The following GEMIN8 variants were observed in gnomAD, a reference collection of about 807,000 sequenced individuals.
GEMIN8 encodes gem nuclear organelle associated protein 8.
For synonymous variants in GEMIN8, 80 were observed against 78.5 expected, an observed-to-expected ratio of 1.02 and a Z score of -0.10; for missense variants, 185 against 205.9, an observed-to-expected ratio of 0.90 and a Z score of 0.62.
At chrX:13,995,163 C>T in the GEMIN8 span, among the ~76,000 whole-genome samples, 1 of 111,957 alleles carries the variant, frequency 8.9e-6, no homozygotes, top group African/African-American at 3.2e-5. Context: ...ACATTACCCC[C>T]AATCTCCCAA....
the GEMIN8 span, among the ~76,000 whole-genome samples, chrX:13,985,584 T>C: frequency 1.8e-5 from 2 of 112,261 alleles, no homozygotes; most frequent in African/African-American, 6.5e-5. Context: ...GGATGTATTG[T>C]GGCTATATTT....
chrX:13,996,161 T>G, the GEMIN8 span, among the ~76,000 whole-genome samples: 26 of 111,950 alleles, frequency 2.3e-4, no homozygotes, highest in African/African-American at 7.8e-4. Context: ...ACCTACTATT[T>G]TTAAGGATTT....
intron 4 of GEMIN8, among the ~76,000 whole-genome samples, chrX:14,011,516 C>CT (rs575651297): frequency 0.019 from 1,160 of 60,336 alleles, 121 homozygotes; most frequent in East Asian, 0.028. Flanking sequence ...CTATGGCTCT[C>CT]TTTTTTTTTT....
downstream of GEMIN8, among the ~76,000 whole-genome samples, chrX:14,005,637 AC>A (rs1923121550): frequency 8.9e-6 from 1 of 111,920 alleles, no homozygotes; most frequent in East Asian, 2.8e-4. Context: ...GGTCGTGGGA[AC>A]CCTAATTGAT....
intron 2 of GEMIN8, among the ~76,000 whole-genome samples, chrX:14,022,745 AG>A (rs1924454033): frequency 8.9e-6 from 1 of 112,293 alleles, no homozygotes; most frequent in Non-Finnish European, 1.9e-5. Flanking sequence ...ACAACTACTT[AG>A]GTTTTGAAAC....
At chrX:13,988,237 G>A in the GEMIN8 span, among the ~76,000 whole-genome samples, 3 of 111,447 alleles carry the variant, frequency 2.7e-5, no homozygotes, top group South Asian at 3.9e-4. Flanking sequence ...GCATACTTGC[G>A]CACGTACAAC....
chrX:14,010,006 G>A, intron 4 of GEMIN8, among the ~76,000 whole-genome samples: 1 of 112,056 alleles, frequency 8.9e-6, no homozygotes, highest in Non-Finnish European at 1.9e-5. Context: ...AGGAAGAAGG[G>A]TGAGGAAAGG....
At chrX:14,013,927 C>T in intron 4 of GEMIN8, 1 of 721,239 alleles carries the variant, frequency 1.4e-6, no homozygotes. Flanking sequence ...TTACTGGATT[C>T]CATCTGGGTT....
chrX:14,029,069 T>C (rs1292851443), intron 1 of GEMIN8, among the ~76,000 whole-genome samples: 1 of 111,904 alleles, frequency 8.9e-6, no homozygotes, highest in East Asian at 2.8e-4. Flanking sequence ...AATAAAATTG[T>C]TCAGAACCAT....
chrX:13,988,525 A>G, the GEMIN8 span, among the ~76,000 whole-genome samples: 5 of 107,799 alleles, frequency 4.6e-5, no homozygotes, highest in Non-Finnish European at 7.7e-5. Flanking sequence ...ACTCATCTGT[A>G]CCACCAGGTA....
intron 3 of GEMIN8, 145 bp downstream of exon 3, chrX:14,021,319 A>G: frequency 2.6e-6 from 1 of 379,688 alleles, no homozygotes; most frequent in Non-Finnish European, 4.8e-6. Flanking sequence ...TGGGTGCAGC[A>G]CACCAACATG....
At chrX:13,987,511 T>TG in the GEMIN8 span, among the ~76,000 whole-genome samples, 1 of 111,623 alleles carries the variant, frequency 9.0e-6, no homozygotes, top group Non-Finnish European at 1.9e-5. Flanking sequence ...CCATGACTTC[T>TG]GTTCCTCATC....
rs367786241 is a variant in GEMIN8, at chrX:14,013,891, T to C, written c.473-4722A>G. 51 of 655,654 alleles carry C rather than the reference T, an allele frequency of 7.8e-5. No individual in the cohort carries two copies. In the East Asian group the frequency reaches 5.2e-3, roughly 67 times the overall value. 54.0% of individuals were successfully genotyped at this position (655,654 alleles called of 1,213,427 possible). A position where few individuals can be genotyped will look rare whatever the true frequency, so the allele number is the denominator to read the frequency against. ...TGCATATAGGTTAAAACAAGAACAA[T>C]AGGCATGTATTATTAAGGAAAAGCT... On this transcript the variant is annotated intron_variant, in intron 4 of 4. Coordinates refer to ENST00000680255, the MANE Select transcript of GEMIN8 (RefSeq NM_001042479.2).
At chrX:14,005,768 T>C (rs1319981434), downstream of GEMIN8, among the ~76,000 whole-genome samples, 1 of 104,446 alleles carries the variant, frequency 9.6e-6, no homozygotes, top group African/African-American at 3.6e-5. Flanking sequence ...TCCAGATAGA[T>C]AGTGTCAGAA....
intron 4 of GEMIN8, chrX:14,014,107 T>A: frequency 2.7e-6 from 2 of 749,788 alleles, no homozygotes; most frequent in Non-Finnish European, 3.1e-6. Context: ...ATTCCACACA[T>A]AGAGCCCAAA....
chrX:13,996,725 T>C, the GEMIN8 span, among the ~76,000 whole-genome samples: 14 of 111,356 alleles, frequency 1.3e-4, no homozygotes, highest in African/African-American at 4.6e-4. Flanking sequence ...TGCAGTAGAT[T>C]ACTTGCAAAA....
At chrX:13,998,249 A>T in the GEMIN8 span, among the ~76,000 whole-genome samples, 30 of 109,080 alleles carry the variant, frequency 2.8e-4, no homozygotes, top group African/African-American at 9.0e-4. Flanking sequence ...TAATTTTTAA[A>T]TTTTTTTTAT....
At chrX:14,019,993 T>A in intron 4 of GEMIN8, 85 bp downstream of exon 4, 1 of 512,596 alleles carries the variant, frequency 2.0e-6, no homozygotes, top group Non-Finnish European at 3.2e-6. Flanking sequence ...TGAAGAATTA[T>A]AAAATTACTT....
At chrX:13,991,118 T>C in the GEMIN8 span, among the ~76,000 whole-genome samples, 6 of 112,473 alleles carry the variant, frequency 5.3e-5, no homozygotes, top group Non-Finnish European at 9.4e-5. Flanking sequence ...GCTGTACTTA[T>C]TACAAACAAG....
Sources: allele counts gnomAD v4.1 joint callset (sites outside exome capture counted in the v4.1 genomes callset), GRCh38; gene constraint gnomAD v4.1.1; transcripts MANE v1.5; gene names NCBI Gene and HGNC (gene_info 2026-07-23, HGNC 2026-07-21).